The following TANC1 variants were observed in gnomAD, a reference collection of about 807,000 sequenced individuals.
TANC1 encodes protein TANC1.
A neutral mutation model predicts 149.7 loss-of-function variants in TANC1; 77 were observed. The observed-to-expected ratio is 0.51, with a 90% CI of 0.43 to 0.62. The LOEUF (loss-of-function observed/expected upper bound fraction) is 0.62, where lower values mean the gene tolerates loss of function less well. Ranked by LOEUF, TANC1 falls within the 20% of genes least tolerant of loss-of-function variation. The pLI is 0.00. For synonymous variants in TANC1, 854 were observed against 925.0 expected (o/e 0.92, Z 1.39); for missense variants, 1,985 against 2,321.8 (o/e 0.85, Z 2.98).
intron 3 of TANC1, among the ~76,000 whole-genome samples, chr2:159,068,077 A>G (rs904665776): frequency 8.5e-5 from 13 of 152,226 alleles, no homozygotes; most frequent in Non-Finnish European, 1.9e-4. Flanking sequence ...TCTGCATGGT[A>G]TGTGCCTTTT....
chr2:159,227,449 C>T (rs888811155), intron 24 of TANC1: 14 of 215,226 alleles, frequency 6.5e-5, no homozygotes, highest in Non-Finnish European at 1.0e-4. Context: ...CATCTGATTT[C>T]TATTACACTT....
chr2:159,073,143 T>C (rs942679830), intron 3 of TANC1, among the ~76,000 whole-genome samples: 3 of 152,208 alleles, frequency 2.0e-5, no homozygotes, highest in African/African-American at 7.2e-5. Flanking sequence ...CTAAGTACAG[T>C]TTATAAAATG....
chr2:159,032,031 C>T (rs1047448890), intron 2 of TANC1, among the ~76,000 whole-genome samples: 10 of 152,196 alleles, frequency 6.6e-5, no homozygotes, highest in Admixed American at 6.5e-4. Context: ...ACCTTCTTCC[C>T]TAAGGTCATA....
intron 19 of TANC1, among the ~76,000 whole-genome samples, chr2:159,215,945 C>T (rs78552539): frequency 4.0e-3 from 604 of 152,182 alleles, no homozygotes; most frequent in Non-Finnish European, 6.9e-3. Context: ...GTTTGCAGCC[C>T]GGGGTGCGGT....
At chr2:159,096,540 A>G (rs1459786742) in intron 3 of TANC1, among the ~76,000 whole-genome samples, 1 of 152,222 alleles carries the variant, frequency 6.6e-6, no homozygotes, top group Non-Finnish European at 1.5e-5. Context: ...TGGCGAGAGC[A>G]CACCTGGACA....
At chr2:158,996,384 C>T (rs1263513475) in intron 1 of TANC1, among the ~76,000 whole-genome samples, 1 of 152,182 alleles carries the variant, frequency 6.6e-6, no homozygotes, top group Admixed American at 6.5e-5. Flanking sequence ...TTGGTATATG[C>T]CTTCCTTAAC....
chr2:159,174,172 T>C (rs190854176), intron 11 of TANC1, among the ~76,000 whole-genome samples: 21 of 152,324 alleles, frequency 1.4e-4, no homozygotes, highest in African/African-American at 4.6e-4. Context: ...TATTGGATTT[T>C]TCTTCTATCT....
Position 159,185,781 on chromosome 2 carries a change from CT to C in TANC1, c.2511-8del. 1.2e-6 allele frequency: 2 copies of C among 1,607,838 alleles called. No individual in the cohort carries two copies. Among genetic ancestry groups the C allele is most frequent in the Non-Finnish European group, 1.7e-6 (2 of 1,175,232 alleles). On this transcript the variant is annotated splice_polypyrimidine_tract_variant and intron_variant, in intron 14 of 26. Coordinates refer to ENST00000263635, the MANE Select transcript of TANC1 (RefSeq NM_033394.3). Reference sequence around the variant, plus strand: ...TCTTCTGCTGTGAGCCTTTGTATTCCTTCCCCTAGGAACGGGCACGCGCTCT... The same window carrying C: ...TCTTCTGCTGTGAGCCTTTGTATTCCTCCCCTAGGAACGGGCACGCGCTCT...
intron 21 of TANC1, 120 bp from the exon 22 acceptor site, chr2:159,219,572 C>T (rs1206872201): frequency 1.0e-5 from 14 of 1,361,498 alleles, no homozygotes; most frequent in South Asian, 3.8e-5. Flanking sequence ...CCAGTGTCAC[C>T]CTTCACAGTG....
chr2:159,175,260 G>A, intron 12 of TANC1, 76 bp downstream of exon 12: 1 of 1,224,114 alleles, frequency 8.2e-7, no homozygotes, highest in Non-Finnish European at 1.2e-6. Flanking sequence ...GAAGGCAGGT[G>A]GTCAGCCGGG....
intron 8 of TANC1, among the ~76,000 whole-genome samples, chr2:159,168,767 A>G (rs2054876643): frequency 6.6e-6 from 1 of 152,148 alleles, no homozygotes; most frequent in Admixed American, 6.5e-5. Flanking sequence ...TGATTATACT[A>G]TTACTACTGA....
At chr2:158,973,702 C>T (rs2033229860) in intron 1 of TANC1, among the ~76,000 whole-genome samples, 1 of 152,184 alleles carries the variant, frequency 6.6e-6, no homozygotes, top group South Asian at 2.1e-4. Flanking sequence ...GCTGGATCAA[C>T]AAAAGAGCTA....
intron 2 of TANC1, among the ~76,000 whole-genome samples, chr2:159,035,244 A>G (rs2040092699): frequency 6.6e-6 from 1 of 152,182 alleles, no homozygotes; most frequent in African/African-American, 2.4e-5. Flanking sequence ...TTAGATCTGA[A>G]AAGAAAAAGC....
chr2:158,981,532 TATATATATATAA>T (rs1285414016), intron 1 of TANC1, among the ~76,000 whole-genome samples: 1,935 of 108,444 alleles, frequency 0.018, 91 homozygotes, highest in Non-Finnish European at 0.026. Context: ...TATATATATA[TATATATATATAA>T]AGAAGTAACA....
intron 3 of TANC1, among the ~76,000 whole-genome samples, chr2:159,095,844 C>CA (rs11403453): frequency 0.38 from 57,766 of 151,354 alleles, 12,058 homozygotes; most frequent in East Asian, 0.77. Flanking sequence ...ACTCCTAACA[C>CA]AAAAAACAAG....
At position 159,178,697 on chromosome 2, in the gene TANC1, G is replaced by A. The variant is rs769934745; in HGVS notation, c.2044G>A (p.Gly682Ser). The change falls in exon 14 of 27, where the codon GGC (glycine) becomes AGC (serine). Residue 682 changes from glycine to serine, a missense_variant. Transcript: ENST00000263635. ...CATCCTCAGCAACATCTCCCTGAAT[G>A]GCAAGGCCGATGCCACACTCATTGG... ...QDILSNISLN[G>S]KADATLIGKV... 9 of 1,614,036 alleles carry A rather than the reference G, an allele frequency of 5.6e-6. No homozygotes were observed. The highest frequency in any genetic ancestry group is 3.3e-5 in the Admixed American group (2 of 60,002).
At position 159,159,717 on chromosome 2, in the gene TANC1, T is replaced by TGTGA. The variant is rs1480521171; in HGVS notation, c.683-3565_683-3564insTGAG. On this transcript the variant is annotated intron_variant, in intron 7 of 26. Transcript: ENST00000263635. Reference sequence around the variant, plus strand: ...GTGTGTGTGTGTGTGTGTGTGTGTGTGAGAGAGAGAGAGAGAGAGAGAGAG... The same window carrying TGTGA: ...GTGTGTGTGTGTGTGTGTGTGTGTGTGTGAGAGAGAGAGAGAGAGAGAGAGAGAG... 4.6e-4 allele frequency among the ~76,000 whole-genome samples: 53 copies of TGTGA among 114,968 alleles called. No homozygotes were observed. In the East Asian group the frequency reaches 5.6e-3, roughly 12 times the overall value. 75.4% of individuals were successfully genotyped at this position (114,968 alleles called of 152,430 possible).
intron 3 of TANC1, among the ~76,000 whole-genome samples, chr2:159,079,719 G>A (rs568427092): frequency 2.6e-5 from 4 of 152,314 alleles, no homozygotes; most frequent in African/African-American, 9.6e-5. Context: ...CACGGACTCA[G>A]ACAGTGCCAC....
chr2:159,229,649 G>T lies in TANC1; in HGVS notation c.4223G>T (p.Arg1408Met). 1 of 1,614,020 alleles carries T rather than the reference G, an allele frequency of 6.2e-7. No homozygotes were observed. The highest frequency in any genetic ancestry group is 8.5e-7 in the Non-Finnish European group (1 of 1,180,024). ...TGTCCCACCAATCAGGAAGTCAAGAGGCTTCTGGCCCGCGTAGAAGAGGAG... is the reference window on the plus strand; with the variant it reads ...TGTCCCACCAATCAGGAAGTCAAGATGCTTCTGGCCCGCGTAGAAGAGGAG... ...KLCPTNQEVK[R>M]LLARVEEECK... The change falls in exon 27 of 27, where the codon AGG becomes ATG. Residue 1408 changes from arginine to methionine, a missense_variant. Coordinates refer to ENST00000263635, the MANE Select transcript of TANC1 (RefSeq NM_033394.3).
Sources: gnomAD v4.1 joint callset for allele counts (sites outside exome capture counted in the v4.1 genomes callset) on GRCh38, gnomAD v4.1.1 for gene constraint, MANE v1.5 for transcripts, NCBI Gene and HGNC (gene_info 2026-07-23, HGNC 2026-07-21) for gene names.